The following AGL variants were observed in gnomAD, a reference collection of about 807,000 sequenced individuals.
The protein encoded by AGL is glycogen debranching enzyme.
A neutral mutation model predicts 199.3 loss-of-function variants in AGL; 128 were observed. The ratio of observed to expected loss-of-function variants is 0.64; its 90% CI spans 0.56 to 0.74. AGL has a LOEUF of 0.74. Ranked by LOEUF, AGL falls within the 30% of genes least tolerant of loss-of-function variation. The pLI, the probability that AGL is intolerant of heterozygous loss-of-function variation, is 0.00. For missense variants in AGL, 1,809 were observed against 1,820.8 expected, an observed-to-expected ratio of 0.99 and a Z score of 0.12; for synonymous variants, 584 against 594.7, an observed-to-expected ratio of 0.98 and a Z score of 0.26.
At position 99,881,306 on chromosome 1, in the gene AGL, T is replaced by C. The variant is rs985097322; in HGVS notation, c.2016T>C (p.Ser672=). Residue 672 remains serine (S), a synonymous_variant, in exon 16 of 34, where the codon TCT becomes TCC. Transcript: ENST00000361915. ...CCTTTGTCCAGATTTCAGTGGTTTC[T>C]GAAGAACGGTTTTACACTAAGTGGA... is the stretch of plus-strand genomic sequence containing the variant. ...ELVPHQISVV[S]EERFYTKWNP... is the part of the protein sequence containing the mutation. The C allele has an allele frequency of 1.2e-6, 2 of 1,614,140 alleles. No homozygotes were observed. Among genetic ancestry groups the C allele is most frequent in the Non-Finnish European group, 1.7e-6 (2 of 1,180,000 alleles).
At chr1:99,913,942 G>T (rs1198598530) in intron 30 of AGL, among the ~76,000 whole-genome samples, 1 of 152,170 alleles carries the variant, frequency 6.6e-6, no homozygotes, top group Non-Finnish European at 1.5e-5. Context: ...AAAGCCGAAA[G>T]TAATAGATGA....
intron 26 of AGL, 132 bp downstream of exon 26, chr1:99,900,993 TGGC>T: frequency 1.2e-6 from 1 of 830,306 alleles, no homozygotes; most frequent in East Asian, 2.7e-5. Context: ...AGTATTGATT[TGGC>T]ACCTGCTGGT....
At chr1:99,879,298 C>G (rs1361825119) in intron 12 of AGL, among the ~76,000 whole-genome samples, 2 of 152,014 alleles carry the variant, frequency 1.3e-5, no homozygotes, top group Non-Finnish European at 2.9e-5. Context: ...TAAAAATAAG[C>G]AAGCAGGCCC....
intron 12 of AGL, among the ~76,000 whole-genome samples, chr1:99,878,490 CT>C (rs1651747238): frequency 6.6e-6 from 1 of 152,100 alleles, no homozygotes; most frequent in South Asian, 2.1e-4. Context: ...TCTTTGAGCT[CT>C]TTACAATAAC....
intron 27 of AGL, among the ~76,000 whole-genome samples, chr1:99,908,411 G>A (rs1442410491): frequency 6.6e-6 from 1 of 152,122 alleles, no homozygotes; most frequent in Non-Finnish European, 1.5e-5. Context: ...TTTGGTTAGT[G>A]TAGCTTTGTA....
intron 33 of AGL, among the ~76,000 whole-genome samples, chr1:99,918,610 C>T (rs1300176737): frequency 1.3e-5 from 2 of 152,158 alleles, no homozygotes; most frequent in Non-Finnish European, 2.9e-5. Flanking sequence ...AGGCATGAGC[C>T]ACCACACCCA....
chr1:99,915,373 T>C lies in AGL; in HGVS notation c.4162-16T>C. Reference sequence around the variant, plus strand: ...TGATCTTAAAAATTTGTATATTTGTTTTTGGCATTCACTAGGCCCCTGAGC... The same window carrying C: ...TGATCTTAAAAATTTGTATATTTGTCTTTGGCATTCACTAGGCCCCTGAGC... On this transcript the variant is annotated splice_polypyrimidine_tract_variant and intron_variant, in intron 30 of 33. Coordinates refer to ENST00000361915, the MANE Select transcript of AGL (RefSeq NM_000642.3). 1 of 1,596,984 alleles carries C rather than the reference T, an allele frequency of 6.3e-7. No individual in the cohort carries two copies. Among genetic ancestry groups the C allele is most frequent in the Non-Finnish European group, 8.6e-7 (1 of 1,164,554 alleles).
At chr1:99,918,666 A>C (rs1007530628) in intron 33 of AGL, among the ~76,000 whole-genome samples, 1 of 151,940 alleles carries the variant, frequency 6.6e-6, no homozygotes. Flanking sequence ...TGTGAATTTT[A>C]CCTTGTTGGG....
At position 99,876,460 on chromosome 1, in the gene AGL, A is replaced by G. The variant is rs1389730739; in HGVS notation, c.1286A>G (p.Tyr429Cys). 6.3e-7 allele frequency: 1 copy of G among 1,583,816 alleles called. No homozygotes were observed. ...AATATTTAATTATATTTTCATAGGT[A>G]TTTTACTTTCCCATTTGAAGAGATA... ...VTRKHPLVTR[Y>C]FTFPFEEIDF... Residue 429 changes from tyrosine to cysteine, a missense_variant and splice_region_variant, in exon 11 of 34, where the codon TAT becomes TGT. Physicochemically the swap from Tyr to Cys is radical, Grantham distance 194. Coordinates refer to ENST00000361915, the MANE Select transcript of AGL (RefSeq NM_000642.3).
chr1:99,876,322 G>GT, intron 10 of AGL, 136 bp from the exon 11 acceptor site: 3 of 711,028 alleles, frequency 4.2e-6, no homozygotes, highest in African/African-American at 1.8e-5. Flanking sequence ...CTATATTGAA[G>GT]TTTTTTTCCT....
intron 27 of AGL, among the ~76,000 whole-genome samples, chr1:99,910,327 TC>T (rs1654648581): frequency 6.6e-6 from 1 of 152,190 alleles, no homozygotes; most frequent in Non-Finnish European, 1.5e-5. Flanking sequence ...TACATGTAAA[TC>T]CAGTTCATTA....
In AGL at chr1:99,880,545, T is replaced by A. The variant is rs1003084846; in HGVS notation, c.1736-87T>A. 3 of 1,429,492 alleles carry A rather than the reference T, an allele frequency of 2.1e-6. No individual in the cohort carries two copies. In the African/African-American group the frequency reaches 4.2e-5, roughly 20 times the overall value. 88.6% of individuals were successfully genotyped at this position (1,429,492 alleles called of 1,614,324 possible). A position where few individuals can be genotyped will look rare whatever the true frequency, so the allele number is the denominator to read the frequency against. On this transcript the variant is annotated intron_variant, in intron 13 of 33. Transcript: ENST00000361915. Reference sequence around the variant, plus strand: ...TTTTATAATATTGATGTGGTCTTTATTTTGAAAATCATTTATGAGAAGAAA... The same window carrying A: ...TTTTATAATATTGATGTGGTCTTTAATTTGAAAATCATTTATGAGAAGAAA...
intron 2 of AGL, among the ~76,000 whole-genome samples, chr1:99,858,845 T>C (rs1649790608): frequency 6.6e-6 from 1 of 151,802 alleles, no homozygotes; most frequent in South Asian, 2.1e-4. Context: ...ATTATTTATT[T>C]CATTTATATC....
intron 33 of AGL, among the ~76,000 whole-genome samples, chr1:99,916,951 G>T (rs902052713): frequency 6.6e-6 from 1 of 151,988 alleles, no homozygotes; most frequent in Non-Finnish European, 1.5e-5. Flanking sequence ...GATATTGTGC[G>T]ATTTATACAT....
intron 25 of AGL, among the ~76,000 whole-genome samples, chr1:99,897,123 G>A (rs191928892): frequency 2.0e-5 from 3 of 152,214 alleles, no homozygotes; most frequent in African/African-American, 7.2e-5. Flanking sequence ...CCGTAAAATG[G>A]TATTTTTTTT....
chr1:99,852,653 A>G (rs2101057441), intron 2 of AGL: 1 of 770,088 alleles, frequency 1.3e-6, no homozygotes. Context: ...TGGGATTACA[A>G]GCATAAGCCA....
At position 99,862,369 on chromosome 1, in the gene AGL, T is replaced by C. The variant is rs376697123; in HGVS notation, c.406T>C (p.Cys136Arg). The C allele has an allele frequency of 4.3e-6, 7 of 1,614,120 alleles. No individual in the cohort carries two copies. The highest frequency in any genetic ancestry group is 5.9e-6 in the Non-Finnish European group (7 of 1,180,010). The change falls in exon 4 of 34, where the codon TGT (cysteine) becomes CGT (arginine). Residue 136 changes from cysteine (C) to arginine (R), a missense_variant. Coordinates refer to ENST00000361915, the MANE Select transcript of AGL (RefSeq NM_000642.3). ...TACTCTTCAGACATTTTTAGCTAAG[T>C]GTTTGGGACCTTTTGATGAATGGGA... ...CVTLQTFLAK[C>R]LGPFDEWESR...
intron 27 of AGL, among the ~76,000 whole-genome samples, chr1:99,909,217 C>G (rs564265479): frequency 1.2e-4 from 18 of 151,920 alleles, no homozygotes; most frequent in Non-Finnish European, 2.4e-4. Context: ...ACTCCCCACC[C>G]AGTTTGTGCT....
Position 99,875,230 on chromosome 1 carries a change from C to G in AGL, c.1159C>G (p.Arg387Gly). The change falls in exon 9 of 34, where the codon CGA (arginine) becomes GGA (glycine). Residue 387 changes from arginine to glycine, a missense_variant. Coordinates refer to ENST00000361915, the MANE Select transcript of AGL (RefSeq NM_000642.3). ...GGAGGAATTAAATTCAGAGAAGCAT[C>G]GACTCATTAACTATCATCAGGAACA... ...RMEELNSEKHRLINYHQEQAV... is the reference protein window; with the variant it reads ...RMEELNSEKHGLINYHQEQAV... 1.9e-6 allele frequency: 3 copies of G among 1,613,990 alleles called. No individual in the cohort carries two copies. Among genetic ancestry groups the G allele is most frequent in the Non-Finnish European group, 2.5e-6 (3 of 1,179,882 alleles).
Sources: gnomAD v4.1 joint callset for allele counts (sites outside exome capture counted in the v4.1 genomes callset) on GRCh38, gnomAD v4.1.1 for gene constraint, MANE v1.5 for transcripts, NCBI Gene and HGNC (gene_info 2026-07-23, HGNC 2026-07-21) for gene names.